Variants in PFDN1 observed in about 807,000 individuals in gnomAD.
PFDN1 encodes the protein prefoldin subunit 1.
Under a neutral mutation model 17.3 loss-of-function variants are expected in PFDN1, and 6 were observed. That is an observed-to-expected ratio of 0.35 (90% confidence interval 0.19 to 0.69). The LOEUF is 0.69. PFDN1 is among the 30% of genes least tolerant of loss of function. The pLI, the probability that PFDN1 is intolerant of heterozygous loss-of-function variation, is 0.65. For missense variants in PFDN1, 113 were observed against 146.2 expected, an observed-to-expected ratio of 0.77 and a Z score of 1.17; for synonymous variants, 58 against 50.1, an observed-to-expected ratio of 1.16 and a Z score of -0.67.
intron 3 of PFDN1, chr5:140,273,790 T>G: frequency 2.2e-5 from 8 of 370,768 alleles, no homozygotes; most frequent in Non-Finnish European, 2.6e-5. Flanking sequence ...CTGTTATTGC[T>G]GAGCTAACCA....
At chr5:140,249,307 A>G (rs2126677558) in intron 3 of PFDN1, among the ~76,000 whole-genome samples, 1 of 152,370 alleles carries the variant, frequency 6.6e-6, no homozygotes, top group South Asian at 2.1e-4. Context: ...AGATGCTGTG[A>G]AGACCAATTC....
chr5:140,275,077 AG>A (rs889838240), intron 3 of PFDN1, among the ~76,000 whole-genome samples: 2 of 151,894 alleles, frequency 1.3e-5, no homozygotes, highest in African/African-American at 2.4e-5. Flanking sequence ...AGAAGTTCTA[AG>A]GAAAAAAAAG....
chr5:140,278,557 CAAAAAAAAAAAAAA>C (rs113129230), intron 3 of PFDN1, among the ~76,000 whole-genome samples: 19 of 79,014 alleles, frequency 2.4e-4, no homozygotes, highest in African/African-American at 7.4e-4. Flanking sequence ...GACTCTGTCT[CAAAAAAAAAAAAAA>C]AAAAAAAAAA....
At chr5:140,291,850 C>CA (rs1256279183) in intron 2 of PFDN1, among the ~76,000 whole-genome samples, 1 of 152,078 alleles carries the variant, frequency 6.6e-6, no homozygotes, top group Admixed American at 6.6e-5. Context: ...GAAAGGTCAA[C>CA]AGGACCAAAT....
Position 140,281,514 on chromosome 5 carries a change from C to T in PFDN1, c.220G>A (p.Glu74Lys). Reference sequence around the variant, plus strand: ...TCTAACAGCTGACTGTGAATTGCTTCCTTGGACTGAAGAATAAACCTATGA... The same window carrying T: ...TCTAACAGCTGACTGTGAATTGCTTTCTTGGACTGAAGAATAAACCTATGA... The part of the protein sequence containing the change: ...VGRMFILQSK[E>K]AIHSQLLEKQ... The change falls in exon 3 of 4, where the codon GAA becomes AAA. Residue 74 changes from glutamate (E) to lysine (K), a missense_variant. Physicochemically the swap from Glu to Lys is moderately conservative, Grantham distance 56 (BLOSUM62 1). Transcript: ENST00000261813. 1 of 1,583,878 alleles carries T rather than the reference C, an allele frequency of 6.3e-7. No homozygotes were observed. Among genetic ancestry groups the T allele is most frequent in the Non-Finnish European group, 8.7e-7 (1 of 1,153,310 alleles).
chr5:140,287,297 C>T (rs908914694), intron 2 of PFDN1, among the ~76,000 whole-genome samples: 2 of 152,162 alleles, frequency 1.3e-5, no homozygotes, highest in Non-Finnish European at 2.9e-5. Context: ...ATCGAAGAGT[C>T]GGAGATATCA....
intron 3 of PFDN1, among the ~76,000 whole-genome samples, chr5:140,271,866 G>A (rs1023514421): frequency 2.0e-5 from 3 of 151,254 alleles, no homozygotes; most frequent in African/African-American, 7.3e-5. Flanking sequence ...AAAAAATAGT[G>A]ATTTTGTTCA....
In PFDN1 at chr5:140,246,497, G is replaced by A. The variant is rs368915540; in HGVS notation, c.286-440C>T. ...TGCAGCTATAAAATGGATGGTGCAC[G>A]CTCTGCCCTGTCCAGCAGGAATATG... On this transcript the variant is annotated intron_variant, in intron 3 of 3. Coordinates refer to ENST00000261813, the MANE Select transcript of PFDN1 (RefSeq NM_002622.5). Among the ~76,000 whole-genome samples, 42 of 152,344 alleles carry A rather than the reference G, an allele frequency of 2.8e-4. No individual in the cohort carries two copies. In the South Asian group the frequency reaches 6.2e-3, roughly 23 times the overall value.
At chr5:140,291,860 T>C (rs1259686608) in intron 2 of PFDN1, among the ~76,000 whole-genome samples, 1 of 152,072 alleles carries the variant, frequency 6.6e-6, no homozygotes, top group African/African-American at 2.4e-5. Flanking sequence ...CAGGACCAAA[T>C]GGTACTGATA....
At chr5:140,248,160 C>G (rs1764859544) in intron 3 of PFDN1, among the ~76,000 whole-genome samples, 1 of 151,390 alleles carries the variant, frequency 6.6e-6, no homozygotes, top group Admixed American at 6.6e-5. Flanking sequence ...CCTCCGCCTC[C>G]CGGGTTCACA....
rs529602587 is a variant in PFDN1 at position 140,301,746 on chromosome 5, G to A, written c.34-1164C>T. On this transcript the variant is annotated intron_variant, in intron 1 of 3. Transcript: ENST00000261813. ...TTCAAATGTAGCAATAAATTCAAAAGTACCGGGAGGCAAATCCATTCACTA... is the reference window on the plus strand; with the variant it reads ...TTCAAATGTAGCAATAAATTCAAAAATACCGGGAGGCAAATCCATTCACTA... Among the ~76,000 whole-genome samples the A allele has an allele frequency of 6.2e-3, 940 of 152,286 alleles. 4 individuals carry two copies. Among genetic ancestry groups the A allele is most frequent in the Middle Eastern group, 0.01 (3 of 294 alleles).
At position 140,300,686 on chromosome 5, in the gene PFDN1, C is replaced by G. The variant is rs529125442; in HGVS notation, c.34-104G>C. The G allele has an allele frequency of 2.0e-4, 142 of 725,994 alleles. 2 individuals are homozygous for G. In the South Asian group the frequency reaches 2.7e-3, roughly 14 times the overall value. 45.0% of individuals were successfully genotyped at this position (725,994 alleles called of 1,614,324 possible). A position where few individuals can be genotyped will look rare whatever the true frequency, so the allele number is the denominator to read the frequency against. On this transcript the variant is annotated intron_variant, in intron 1 of 3. Transcript: ENST00000261813. Reference sequence around the variant, plus strand: ...CAAAATATGCTAGCCAGAGACAAAGCTGTGAAATTTACCAAACATCAATAA... The same window carrying G: ...CAAAATATGCTAGCCAGAGACAAAGGTGTGAAATTTACCAAACATCAATAA...
intron 3 of PFDN1, among the ~76,000 whole-genome samples, chr5:140,280,161 T>C (rs374407419): frequency 2.6e-5 from 4 of 152,212 alleles, no homozygotes; most frequent in South Asian, 2.1e-4. Context: ...CAAATGTTTG[T>C]TTTTTGTTTT....
intron 3 of PFDN1, among the ~76,000 whole-genome samples, chr5:140,273,618 T>C (rs540495629): frequency 5.1e-4 from 77 of 152,340 alleles, no homozygotes; most frequent in African/African-American, 1.8e-3. Context: ...ACTGTCATTT[T>C]TGTGGAAGAG....
intron 3 of PFDN1, among the ~76,000 whole-genome samples, chr5:140,250,908 A>G (rs943987604): frequency 1.3e-5 from 2 of 152,132 alleles, no homozygotes; most frequent in African/African-American, 4.8e-5. Context: ...TATGTTAACT[A>G]GCTTGATTTA....
At chr5:140,280,283 A>G in intron 3 of PFDN1, among the ~76,000 whole-genome samples, 1 of 151,998 alleles carries the variant, frequency 6.6e-6, no homozygotes, top group South Asian at 2.1e-4. Flanking sequence ...ACATGAAATG[A>G]TTCTGTTTGG....
chr5:140,286,252 A>T (rs1765486493), intron 2 of PFDN1, among the ~76,000 whole-genome samples: 1 of 151,466 alleles, frequency 6.6e-6, no homozygotes, highest in South Asian at 2.1e-4. Flanking sequence ...CTCTACTAAA[A>T]ATACAAAAAA....
At chr5:140,279,251 G>T (rs575655397) in intron 3 of PFDN1, among the ~76,000 whole-genome samples, 29 of 152,110 alleles carry the variant, frequency 1.9e-4, no homozygotes, top group Non-Finnish European at 4.0e-4. Flanking sequence ...TATTTTCATT[G>T]TTTAATCATT....
intron 2 of PFDN1, among the ~76,000 whole-genome samples, chr5:140,288,547 T>C (rs1361823157): frequency 6.6e-6 from 1 of 152,230 alleles, no homozygotes. Flanking sequence ...TTTATCAATA[T>C]GTTTTCATCA....
Sources: allele counts gnomAD v4.1 joint callset (sites outside exome capture counted in the v4.1 genomes callset), GRCh38; gene constraint gnomAD v4.1.1; transcripts MANE v1.5; gene names NCBI Gene and HGNC (gene_info 2026-07-23, HGNC 2026-07-21).